LRMDA: variants seen among roughly 807,000 people sequenced by gnomAD.
LRMDA encodes leucine-rich melanocyte differentiation-associated protein.
LRMDA carries 18 observed loss-of-function variants against 29.8 expected under a neutral mutation model. The observed-to-expected ratio is 0.60, with a 90% CI of 0.42 to 0.90. LRMDA has a LOEUF of 0.90. Among genes scored for constraint, LRMDA ranks in the 40% least tolerant of loss-of-function variants. The probability of loss-of-function intolerance (pLI) is 0.00; values close to 1 mark genes in which losing one functional copy is unlikely to be tolerated. For missense variants in LRMDA, 273 were observed against 273.9 expected (o/e 1.00, Z 0.02); for synonymous variants, 125 against 109.4 (o/e 1.14, Z -0.89).
intron 5 of LRMDA, chr10:76,318,353 G>T (rs1840726422): frequency 6.6e-6 from 1 of 152,166 alleles, no homozygotes; most frequent in South Asian, 2.1e-4. Context: ...TGTGGGCACT[G>T]GCAGAACTGG....
chr10:76,056,781 A>G (rs1365162031), intron 4 of LRMDA, among the ~76,000 whole-genome samples: 1 of 152,102 alleles, frequency 6.6e-6, no homozygotes, highest in East Asian at 1.9e-4. Context: ...GGGGCTTCCC[A>G]AGCCCCCAAG....
chr10:76,214,109 C>T (rs981982348), intron 5 of LRMDA, among the ~76,000 whole-genome samples: 1 of 152,070 alleles, frequency 6.6e-6, no homozygotes, highest in African/African-American at 2.4e-5. Context: ...CATAATTCTC[C>T]TGAGACTTGC....
intron 5 of LRMDA, among the ~76,000 whole-genome samples, chr10:76,063,373 G>A (rs1374911105): frequency 1.3e-5 from 2 of 152,152 alleles, no homozygotes; most frequent in African/African-American, 4.8e-5. Flanking sequence ...CAATCTCTCT[G>A]TGTGTATACA....
At chr10:76,137,898 G>T (rs1164408612) in intron 5 of LRMDA, among the ~76,000 whole-genome samples, 4 of 152,112 alleles carry the variant, frequency 2.6e-5, no homozygotes, top group African/African-American at 7.2e-5. Context: ...ACATCCCAGG[G>T]GTTGGCTGGG....
chr10:76,517,258 G>A (rs1439609307), intron 6 of LRMDA, among the ~76,000 whole-genome samples: 1 of 152,066 alleles, frequency 6.6e-6, no homozygotes, highest in Non-Finnish European at 1.5e-5. Flanking sequence ...ATATGGCAAA[G>A]CATGCAGATA....
At chr10:75,858,517 A>G (rs775782254) in intron 2 of LRMDA, among the ~76,000 whole-genome samples, 4 of 152,184 alleles carry the variant, frequency 2.6e-5, no homozygotes, top group Non-Finnish European at 5.9e-5. Context: ...GCTGAGTAAC[A>G]GCAGCATTCC....
At chr10:75,796,747 A>AT (rs1843660605) in intron 2 of LRMDA, among the ~76,000 whole-genome samples, 1 of 152,052 alleles carries the variant, frequency 6.6e-6, no homozygotes, top group South Asian at 2.1e-4. Context: ...TAATTATAGT[A>AT]TTTTTAGTAG....
chr10:76,459,356 T>G lies in LRMDA; in HGVS notation c.602-97853T>G, dbSNP rs1233881177. 2.6e-5 allele frequency among the ~76,000 whole-genome samples: 4 copies of G among 152,046 alleles called. No homozygotes were observed. In the South Asian group the frequency reaches 8.3e-4, roughly 32 times the overall value. ...CAGGTTTTGAAAGCTTTTCCTCCTA[T>G]CCTCCCTAAAAGGAACTTTCTCCGT... On this transcript the variant is annotated intron_variant, in intron 6 of 6. Coordinates refer to ENST00000611255, the MANE Select transcript of LRMDA (RefSeq NM_001305581.2).
Position 76,365,718 on chromosome 10 carries a change from T to A in LRMDA, c.601+41233T>A, listed in dbSNP as rs181914938. 2.8e-3 allele frequency among the ~76,000 whole-genome samples: 432 copies of A among 152,392 alleles called. 1 individual carries two copies. Among genetic ancestry groups the A allele is most frequent in the African/African-American group, 1.0e-2 (415 of 41,602 alleles). ...GTTGTCTGTTTACTCTGCTGACTGT[T>A]CCTTTTGCTGTGCAAAAGCTCTTTA... On this transcript the variant is annotated intron_variant, in intron 6 of 6. Coordinates refer to ENST00000611255, the MANE Select transcript of LRMDA (RefSeq NM_001305581.2).
intron 2 of LRMDA, among the ~76,000 whole-genome samples, chr10:75,550,532 A>G (rs1282267377): frequency 2.0e-5 from 3 of 152,016 alleles, no homozygotes; most frequent in Non-Finnish European, 4.4e-5. Flanking sequence ...CACTGTTAAT[A>G]TATGTCTCTG....
chr10:76,534,555 A>G lies in LRMDA; in HGVS notation c.602-22654A>G, dbSNP rs1393653579. On this transcript the variant is annotated intron_variant, in intron 6 of 6. Transcript: ENST00000611255. ...TTGAGTAAGAAAGATGTAAACTTCT[A>G]TTGTGTTGGGCCACTGAAATTTTGG... Among the ~76,000 whole-genome samples, 8 of 152,154 alleles carry G rather than the reference A, an allele frequency of 5.3e-5. No individual in the cohort carries two copies. The South Asian group carries it at 1.7e-3, about 32-fold the overall frequency.
chr10:76,287,334 T>C (rs909727764), intron 5 of LRMDA, among the ~76,000 whole-genome samples: 1 of 152,164 alleles, frequency 6.6e-6, no homozygotes, highest in Non-Finnish European at 1.5e-5. Context: ...TTCATCCTTA[T>C]AGGAATTCCT....
At chr10:76,315,116 G>C (rs754084476) in intron 5 of LRMDA, among the ~76,000 whole-genome samples, 1 of 152,192 alleles carries the variant, frequency 6.6e-6, no homozygotes, top group African/African-American at 2.4e-5. Flanking sequence ...ATACTAGCTG[G>C]GTTTTCTTGG....
chr10:76,028,772 T>G (rs760877737), intron 2 of LRMDA, among the ~76,000 whole-genome samples: 12 of 152,090 alleles, frequency 7.9e-5, no homozygotes, highest in Non-Finnish European at 1.6e-4. Flanking sequence ...CTAGCCTACT[T>G]TTTGGCTTCC....
chr10:75,824,658 C>T (rs1031664872), intron 2 of LRMDA, among the ~76,000 whole-genome samples: 26 of 152,300 alleles, frequency 1.7e-4, no homozygotes, highest in African/African-American at 6.3e-4. Context: ...CTTTTGCTCC[C>T]TCTTATTCCT....
At chr10:76,109,364 A>G (rs1249218081) in intron 5 of LRMDA, among the ~76,000 whole-genome samples, 1 of 152,188 alleles carries the variant, frequency 6.6e-6, no homozygotes, top group Non-Finnish European at 1.5e-5. Flanking sequence ...AGCAAAATCA[A>G]TCAAGTCTTC....
chr10:76,152,455 G>T (rs1380724727), intron 5 of LRMDA, among the ~76,000 whole-genome samples: 1 of 152,008 alleles, frequency 6.6e-6, no homozygotes, highest in Admixed American at 6.5e-5. Flanking sequence ...CTACATTTTG[G>T]CTATGATGAA....
At chr10:75,507,872 A>G (rs1429050580) in intron 2 of LRMDA, among the ~76,000 whole-genome samples, 1 of 152,052 alleles carries the variant, frequency 6.6e-6, no homozygotes, top group African/African-American at 2.4e-5. Context: ...TGAATTTCCT[A>G]TTTCCCTTTT....
chr10:76,548,056 T>C (rs1391663809), intron 6 of LRMDA, among the ~76,000 whole-genome samples: 1 of 152,104 alleles, frequency 6.6e-6, no homozygotes, highest in Non-Finnish European at 1.5e-5. Context: ...ACTGAACAAA[T>C]AAATAATGAA....
Sources: gnomAD v4.1 joint callset for allele counts (sites outside exome capture counted in the v4.1 genomes callset) on GRCh38, gnomAD v4.1.1 for gene constraint, MANE v1.5 for transcripts, NCBI Gene and HGNC (gene_info 2026-07-23, HGNC 2026-07-21) for gene names.